The following HNF4G variants were observed in gnomAD, a reference collection of about 807,000 sequenced individuals.
HNF4G encodes the protein hepatocyte nuclear factor 4 gamma.
Under a neutral mutation model 50.9 loss-of-function variants are expected in HNF4G, and 21 were observed. The ratio of observed to expected loss-of-function variants is 0.41; its 90% confidence interval spans 0.29 to 0.59. The LOEUF (loss-of-function observed/expected upper bound fraction) is 0.59, where lower values mean the gene tolerates loss of function less well. HNF4G is among the 20% of genes least tolerant of loss of function. The probability of loss-of-function intolerance (pLI) is 0.26; values close to 1 mark genes in which losing one functional copy is unlikely to be tolerated. For synonymous variants in HNF4G, 198 were observed against 185.6 expected (o/e 1.07, Z -0.54); for missense variants, 527 against 559.4 (o/e 0.94, Z 0.58).
At chr8:75,560,669 A>G (rs1807285206) in intron 9 of HNF4G, among the ~76,000 whole-genome samples, 1 of 152,166 alleles carries the variant, frequency 6.6e-6, no homozygotes, top group Non-Finnish European at 1.5e-5. Flanking sequence ...TGAAAATGAA[A>G]GAAAAATCTT....
chr8:75,437,307 T>G (rs971234058), intron 1 of HNF4G, among the ~76,000 whole-genome samples: 4 of 152,226 alleles, frequency 2.6e-5, no homozygotes, highest in Admixed American at 2.6e-4. Flanking sequence ...GAAATTCTTG[T>G]GTCATACTCA....
chr8:75,487,381 A>G lies in HNF4G; in HGVS notation c.-143-2708A>G, dbSNP rs184473819. The stretch of plus-strand genomic sequence containing the variant: ...TATTTGTTATTTGGTTTGTACACGT[A>G]ATATCACTGATCTGCTCAACAAATC... On this transcript the variant is annotated intron_variant, in intron 1 of 10. Transcript: ENST00000354370. 3.9e-3 allele frequency among the ~76,000 whole-genome samples: 595 copies of G among 152,284 alleles called. 5 individuals are homozygous for G. Among genetic ancestry groups the G allele is most frequent in the Middle Eastern group, 0.01 (3 of 294 alleles).
At chr8:75,544,318 A>T (rs998724400) in intron 2 of HNF4G, among the ~76,000 whole-genome samples, 4 of 152,118 alleles carry the variant, frequency 2.6e-5, no homozygotes, top group Admixed American at 2.6e-4. Context: ...ATTTCATGTT[A>T]TCTTTTCCTT....
chr8:75,407,887 G>A (rs1446260280), upstream of HNF4G: 1 of 152,136 alleles, frequency 6.6e-6, no homozygotes, highest in Admixed American at 6.5e-5. Context: ...GGGGTGGGTG[G>A]GGGACCTGCT....
chr8:75,444,152 C>A (rs931124761), intron 1 of HNF4G, among the ~76,000 whole-genome samples: 126 of 151,880 alleles, frequency 8.3e-4, no homozygotes, highest in South Asian at 8.3e-4. Context: ...GAATTTTCAA[C>A]CCAGAATTTC....
rs115403413 is a variant in HNF4G at position 75,479,274 on chromosome 8, C to T, written c.-143-10815C>T. 4.6e-3 allele frequency among the ~76,000 whole-genome samples: 707 copies of T among 152,242 alleles called. 5 individuals carry two copies. Among genetic ancestry groups the T allele is most frequent in the African/African-American group, 0.016 (678 of 41,550 alleles). On this transcript the variant is annotated intron_variant, in intron 1 of 10. Transcript: ENST00000354370. The stretch of plus-strand genomic sequence containing the variant: ...CAATTGCCCTTGAAGTTAGTGGATT[C>T]GTGCACCTAAAAAATGGCCTGCATA...
intron 9 of HNF4G, among the ~76,000 whole-genome samples, chr8:75,561,397 T>A (rs1807306880): frequency 6.6e-6 from 1 of 152,198 alleles, no homozygotes; most frequent in Non-Finnish European, 1.5e-5. Flanking sequence ...CACTTTTTAT[T>A]CCTTTCTGCA....
intron 1 of HNF4G, among the ~76,000 whole-genome samples, chr8:75,485,526 G>A (rs998393213): frequency 2.6e-5 from 4 of 152,058 alleles, no homozygotes; most frequent in African/African-American, 9.7e-5. Flanking sequence ...TTAAAGTTTT[G>A]AGCTGATTGA....
At chr8:75,454,047 CTCT>C in intron 1 of HNF4G, among the ~76,000 whole-genome samples, 2 of 150,888 alleles carry the variant, frequency 1.3e-5, no homozygotes, top group South Asian at 2.1e-4. Flanking sequence ...CTCTCTCTCT[CTCT>C]CTCCCTCCCT....
chr8:75,487,004 TAA>T (rs937270333), intron 1 of HNF4G, among the ~76,000 whole-genome samples: 1 of 150,280 alleles, frequency 6.7e-6, no homozygotes, highest in African/African-American at 2.5e-5. Context: ...AGACCCTGTC[TAA>T]AAAAAAATGA....
chr8:75,435,653 G>T (rs960580018), intron 1 of HNF4G, among the ~76,000 whole-genome samples: 1 of 152,176 alleles, frequency 6.6e-6, no homozygotes, highest in Non-Finnish European at 1.5e-5. Context: ...GAGTGCAGTG[G>T]CATGATCTGG....
intron 1 of HNF4G, among the ~76,000 whole-genome samples, chr8:75,463,658 C>A (rs1258365701): frequency 6.6e-6 from 1 of 151,786 alleles, no homozygotes; most frequent in African/African-American, 2.4e-5. Flanking sequence ...TTCTCCTACT[C>A]ATTTCCTCAA....
intron 1 of HNF4G, chr8:75,490,047 G>A (rs559979215): frequency 7.9e-5 from 12 of 152,610 alleles, no homozygotes; most frequent in African/African-American, 2.6e-4. Flanking sequence ...AATCTATGCA[G>A]CATGTCACTC....
chr8:75,422,519 A>G (rs1038182872), intron 1 of HNF4G, among the ~76,000 whole-genome samples: 6 of 152,210 alleles, frequency 3.9e-5, no homozygotes, highest in African/African-American at 7.2e-5. Context: ...AAATATATTA[A>G]CTTTGTAAGG....
intron 1 of HNF4G, among the ~76,000 whole-genome samples, chr8:75,477,921 C>T (rs970078972): frequency 1.3e-5 from 2 of 151,934 alleles, no homozygotes; most frequent in African/African-American, 4.8e-5. Context: ...GAGCCGAGAT[C>T]GTGCTATTGC....
intron 1 of HNF4G, among the ~76,000 whole-genome samples, chr8:75,458,388 T>C (rs866014986): frequency 1.8e-3 from 273 of 149,622 alleles, no homozygotes; most frequent in Non-Finnish European, 2.9e-3. Context: ...TTTTTTTTTT[T>C]TTTACTTCTA....
chr8:75,485,988 C>A (rs1296433001), intron 1 of HNF4G, among the ~76,000 whole-genome samples: 2 of 152,168 alleles, frequency 1.3e-5, no homozygotes, highest in African/African-American at 4.8e-5. Context: ...ACACTAGCTT[C>A]CCTACTAGGT....
At chr8:75,429,044 C>T (rs1334591543) in intron 1 of HNF4G, among the ~76,000 whole-genome samples, 2 of 151,996 alleles carry the variant, frequency 1.3e-5, no homozygotes, top group Non-Finnish European at 2.9e-5. Flanking sequence ...ATTTTGAGGG[C>T]AAAATATAAG....
At chr8:75,526,544 C>CT (rs1206105261) in intron 2 of HNF4G, among the ~76,000 whole-genome samples, 1 of 150,148 alleles carries the variant, frequency 6.7e-6, no homozygotes, top group Non-Finnish European at 1.5e-5. Context: ...TCTTCTTCTT[C>CT]TTTTTTTGAG....
Sources: gnomAD v4.1 joint callset for allele counts (sites outside exome capture counted in the v4.1 genomes callset) on GRCh38, gnomAD v4.1.1 for gene constraint, MANE v1.5 for transcripts, NCBI Gene and HGNC (gene_info 2026-07-23, HGNC 2026-07-21) for gene names.